The following MGST1 variants were observed in gnomAD, a reference collection of about 807,000 sequenced individuals.
MGST1 encodes the protein glutathione S-transferase 12.
A neutral mutation model predicts 8.9 loss-of-function variants in MGST1; 5 were observed. The ratio of observed to expected loss-of-function variants is 0.56; its 90% CI spans 0.29 to 1.19. The LOEUF (loss-of-function observed/expected upper bound fraction) is 1.19, where lower values mean the gene tolerates loss of function less well. Among genes scored for constraint, MGST1 ranks in the 50% most tolerant of loss-of-function variants. The probability of loss-of-function intolerance (pLI) is 0.08; values close to 1 mark genes in which losing one functional copy is unlikely to be tolerated. For missense variants in MGST1, 182 were observed against 187.4 expected (o/e 0.97, Z 0.17); for synonymous variants, 54 against 67.8 (o/e 0.80, Z 1.00).
rs189036994 is a variant in MGST1 at position 16,542,205 on chromosome 12, G to T, written n.483-47323G>T. 8.1e-4 allele frequency among the ~76,000 whole-genome samples: 123 copies of T among 152,254 alleles called. 1 individual carries two copies. The highest frequency in any genetic ancestry group is 2.7e-3 in the African/African-American group (114 of 41,556). ...TTCATCAATTAAAATGGTGTGAAAT[G>T]GCTATTCCTGGATGCAAGAAAAAAA... On this transcript the variant is annotated intron_variant and non_coding_transcript_variant, in intron 4 of 4. Transcript: ENST00000538857.
chr12:16,522,079 T>C (rs1941651879), intron 4 of MGST1, among the ~76,000 whole-genome samples: 2 of 152,132 alleles, frequency 1.3e-5, no homozygotes, highest in Admixed American at 1.3e-4. Flanking sequence ...TGAGAGGCGC[T>C]TCATGCTGAA....
At chr12:16,499,839 G>T (rs991522022) in intron 4 of MGST1, among the ~76,000 whole-genome samples, 6 of 152,122 alleles carry the variant, frequency 3.9e-5, no homozygotes, top group African/African-American at 2.4e-5. Flanking sequence ...GAACACGATA[G>T]CACTGCATTC....
chr12:16,434,658 TTTTC>T (rs756020494), intron 1 of MGST1, among the ~76,000 whole-genome samples: 4 of 152,042 alleles, frequency 2.6e-5, no homozygotes, highest in Non-Finnish European at 5.9e-5. Flanking sequence ...ACCTGCACTT[TTTTC>T]TTTCTTTTCT....
At chr12:16,448,067 A>G (rs906472357) in intron 4 of MGST1, among the ~76,000 whole-genome samples, 8 of 151,940 alleles carry the variant, frequency 5.3e-5, no homozygotes, top group South Asian at 2.1e-4. Flanking sequence ...GAGATATCCA[A>G]TGAAGCTTAT....
chr12:16,514,678 G>C (rs1457283038), intron 4 of MGST1, among the ~76,000 whole-genome samples: 3 of 150,734 alleles, frequency 2.0e-5, no homozygotes, highest in Non-Finnish European at 2.9e-5. Flanking sequence ...TAATGTCCCT[G>C]GTGCAAGGAA....
intron 4 of MGST1, among the ~76,000 whole-genome samples, chr12:16,524,649 T>C (rs994967396): frequency 6.6e-6 from 1 of 152,084 alleles, no homozygotes; most frequent in Admixed American, 6.6e-5. Flanking sequence ...AAAATAGTAA[T>C]GGTCACTTTG....
At chr12:16,450,764 G>C (rs974177569) in intron 4 of MGST1, among the ~76,000 whole-genome samples, 2 of 151,794 alleles carry the variant, frequency 1.3e-5, no homozygotes, top group Non-Finnish European at 2.9e-5. Flanking sequence ...AGCTCTGTTT[G>C]ATCAGGAAGA....
intron 4 of MGST1, among the ~76,000 whole-genome samples, chr12:16,561,707 G>A (rs1298599136): frequency 3.3e-5 from 5 of 152,204 alleles, no homozygotes. Context: ...TCATTTTCAA[G>A]TTTATAACTA....
At chr12:16,460,532 C>A (rs1195089680) in intron 4 of MGST1, among the ~76,000 whole-genome samples, 1 of 151,344 alleles carries the variant, frequency 6.6e-6, no homozygotes, top group Non-Finnish European at 1.5e-5. Flanking sequence ...GCATCCTCCT[C>A]TGAGTACATT....
In MGST1 at chr12:16,546,118, ATTG is replaced by A. The variant is rs1222812959; in HGVS notation, n.483-43407_483-43405del. Among the ~76,000 whole-genome samples the A allele has an allele frequency of 6.6e-6, 1 of 152,104 alleles. No homozygotes were observed. The highest frequency in any genetic ancestry group is 1.5e-5 in the Non-Finnish European group (1 of 67,984). On this transcript the variant is annotated intron_variant and non_coding_transcript_variant, in intron 4 of 4. Coordinates refer to the MGST1 transcript ENST00000538857. The surrounding 1 kb of genome is among the most constrained non-coding windows in gnomAD (Gnocchi z 4.7). ...GTGCAGAACTACCTGATACATGGCA[ATTG>A]TTTGGTAAATATTCGCTATTATTAC...
intron 4 of MGST1, among the ~76,000 whole-genome samples, chr12:16,534,199 A>G (rs1057326879): frequency 6.6e-6 from 1 of 152,252 alleles, no homozygotes; most frequent in Non-Finnish European, 1.5e-5. Flanking sequence ...ACTATAAATG[A>G]TGCATAAATA....
chr12:16,378,959 C>T (rs371690960), downstream of MGST1, among the ~76,000 whole-genome samples: 1 of 151,788 alleles, frequency 6.6e-6, no homozygotes, highest in East Asian at 1.9e-4. Context: ...GTCTGTTATT[C>T]GTGTATAAGA....
intron 4 of MGST1, among the ~76,000 whole-genome samples, chr12:16,508,684 G>C (rs1205335464): frequency 1.3e-5 from 2 of 152,096 alleles, no homozygotes; most frequent in African/African-American, 4.8e-5. Flanking sequence ...TTAATTGCTG[G>C]ACTGCGCAAA....
At chr12:16,527,455 T>C (rs1406795740) in intron 4 of MGST1, among the ~76,000 whole-genome samples, 1 of 152,012 alleles carries the variant, frequency 6.6e-6, no homozygotes, top group African/African-American at 2.4e-5. Flanking sequence ...AAATTTTGAA[T>C]AAGGCTAATA....
chr12:16,543,731 C>T (rs930421150), intron 4 of MGST1, among the ~76,000 whole-genome samples: 47 of 152,078 alleles, frequency 3.1e-4, no homozygotes, highest in African/African-American at 1.1e-3. Context: ...CATTTTCTGC[C>T]TGATGGCAAA....
At chr12:16,357,398 C>T (rs1939766704) in intron 2 of MGST1, 1 of 459,496 alleles carries the variant, frequency 2.2e-6, no homozygotes, top group South Asian at 3.2e-5. Flanking sequence ...TAGCTAGGAC[C>T]ACAGGCATGC....
At chr12:16,469,605 A>G (rs962589382) in intron 4 of MGST1, among the ~76,000 whole-genome samples, 3 of 152,214 alleles carry the variant, frequency 2.0e-5, no homozygotes, top group African/African-American at 2.4e-5. Flanking sequence ...ATTTGTGGCT[A>G]TTGAAGATGA....
chr12:16,481,274 T>C (rs1941362724), intron 4 of MGST1, among the ~76,000 whole-genome samples: 1 of 152,144 alleles, frequency 6.6e-6, no homozygotes, highest in South Asian at 2.1e-4. Context: ...CAGATCTGGG[T>C]AGGTAATGCT....
rs936369893 is a variant in MGST1 at position 16,458,514 on chromosome 12, C to T, written n.482+74910C>T. ...GAAATAGGTCCATTAACATACGATG[C>T]TATTGGTGAAACTTTATTTAGGAAG... On this transcript the variant is annotated intron_variant and non_coding_transcript_variant, in intron 4 of 4. Coordinates refer to the MGST1 transcript ENST00000538857. The surrounding 1 kb of genome is among the most constrained non-coding windows in gnomAD (Gnocchi z 4.0). 1.3e-5 allele frequency among the ~76,000 whole-genome samples: 2 copies of T among 151,980 alleles called. No homozygotes were observed. Among genetic ancestry groups the T allele is most frequent in the African/African-American group, 4.8e-5 (2 of 41,388 alleles).
Sources: gnomAD v4.1 joint callset for allele counts (sites outside exome capture counted in the v4.1 genomes callset) on GRCh38, gnomAD v4.1.1 for gene constraint, Gnocchi (gnomAD v3.1) non-coding constraint, MANE v1.5 for transcripts, NCBI Gene and HGNC (gene_info 2026-07-23, HGNC 2026-07-21) for gene names.